Variants in NWD2 observed in about 807,000 individuals in gnomAD.
NWD2 encodes NACHT and WD repeat domain containing 2.
Under a neutral mutation model 132.7 loss-of-function variants are expected in NWD2, and 37 were observed. The ratio of observed to expected loss-of-function variants is 0.28; its 90% CI spans 0.21 to 0.37. NWD2 has a LOEUF of 0.37. Ranked by LOEUF, NWD2 falls within the 10% of genes least tolerant of loss-of-function variation. The pLI is 1.00. For synonymous variants in NWD2, 705 were observed against 803.0 expected (o/e 0.88, Z 2.06); for missense variants, 1,592 against 2,122.4 (o/e 0.75, Z 4.91).
At chr4:37,272,668 C>T (rs976232389) in intron 1 of NWD2, among the ~76,000 whole-genome samples, 6 of 151,774 alleles carry the variant, frequency 4.0e-5, no homozygotes, top group African/African-American at 4.8e-5. Flanking sequence ...TTGTCTTAAT[C>T]GGTTTTCAAA....
chr4:37,386,788 A>G (rs1720572863), intron 3 of NWD2, among the ~76,000 whole-genome samples: 2 of 149,428 alleles, frequency 1.3e-5, no homozygotes, highest in Admixed American at 6.6e-5. Context: ...CTCATGAATG[A>G]GTTGGTACCA....
chr4:37,288,442 T>C (rs1271838424), intron 1 of NWD2, among the ~76,000 whole-genome samples: 6 of 152,226 alleles, frequency 3.9e-5, no homozygotes, highest in Non-Finnish European at 4.4e-5. Flanking sequence ...CCAGTATCAC[T>C]TAACCCCAAG....
At chr4:37,356,200 C>T (rs553511389) in intron 2 of NWD2, among the ~76,000 whole-genome samples, 166 bp from the exon 3 acceptor site, 2 of 152,294 alleles carry the variant, frequency 1.3e-5, no homozygotes, top group African/African-American at 4.8e-5. Flanking sequence ...TCATTCCCAA[C>T]CCATCATGGA....
Position 37,445,160 on chromosome 4 carries a change from G to A in NWD2, c.3172G>A (p.Ala1058Thr), listed in dbSNP as rs116295654. 6.4e-4 allele frequency: 988 copies of A among 1,552,040 alleles called. 3 individuals carry two copies. The African/African-American group carries it at 0.012, about 19-fold the overall frequency. Residue 1058 changes from alanine (A) to threonine (T), a missense_variant, in exon 7 of 7, where the codon GCC (alanine) becomes ACC (threonine). Transcript: ENST00000309447. This position sits in a 1 kb window ranked among gnomAD's most constrained non-coding sequence, Gnocchi z 4.7. ...CAAGGGGACCAAGCATGGAAGCAGC[G>A]CCACCTACATCAATGGATTTACACT... ...EIKGTKHGSS[A>T]TYINGFTLSA... is the part of the protein sequence containing the mutation.
chr4:37,441,946 G>A (rs543234483), intron 6 of NWD2, among the ~76,000 whole-genome samples: 12 of 152,280 alleles, frequency 7.9e-5, no homozygotes, highest in African/African-American at 2.2e-4. Flanking sequence ...CTGGGAGGAC[G>A]GAGGAGGATG....
chr4:37,434,981 T>A (rs1712285048), intron 5 of NWD2, among the ~76,000 whole-genome samples: 1 of 152,064 alleles, frequency 6.6e-6, no homozygotes, highest in Non-Finnish European at 1.5e-5. Flanking sequence ...AAATTTAACA[T>A]TAAAATAAAA....
chr4:37,334,997 C>T (rs1370250164), intron 2 of NWD2, among the ~76,000 whole-genome samples: 1 of 152,078 alleles, frequency 6.6e-6, no homozygotes, highest in Non-Finnish European at 1.5e-5. Context: ...TCCTTCATCT[C>T]TGCCTTTTCC....
chr4:37,247,024 T>C (rs527503656), intron 1 of NWD2, among the ~76,000 whole-genome samples: 3 of 152,326 alleles, frequency 2.0e-5, no homozygotes, highest in Admixed American at 2.0e-4. Flanking sequence ...TAGCACAGAT[T>C]AACCCTAGGA....
chr4:37,261,642 A>C (rs1259577339), intron 1 of NWD2, among the ~76,000 whole-genome samples: 2 of 152,232 alleles, frequency 1.3e-5, no homozygotes, highest in Non-Finnish European at 2.9e-5. Context: ...TTACATTATC[A>C]AATAAACATA....
At chr4:37,274,363 C>T (rs908633915) in intron 1 of NWD2, among the ~76,000 whole-genome samples, 15 of 152,138 alleles carry the variant, frequency 9.9e-5, no homozygotes, top group African/African-American at 3.6e-4. Context: ...CACATACACC[C>T]TCCCAAGACC....
chr4:37,328,029 T>A (rs17603682), intron 2 of NWD2, among the ~76,000 whole-genome samples: 30,466 of 151,898 alleles, frequency 0.2, 3,139 homozygotes, highest in South Asian at 0.32. Context: ...TTCTTAAGAC[T>A]CTTCCTATCT....
chr4:37,432,427 T>C (rs1712206843), intron 4 of NWD2, among the ~76,000 whole-genome samples: 1 of 151,742 alleles, frequency 6.6e-6, no homozygotes, highest in Non-Finnish European at 1.5e-5. Context: ...CATATCATCA[T>C]CATAATCATG....
chr4:37,287,472 G>A (rs906209508), intron 1 of NWD2, among the ~76,000 whole-genome samples: 2 of 152,204 alleles, frequency 1.3e-5, no homozygotes, highest in Admixed American at 6.5e-5. Flanking sequence ...AGGGAGACTG[G>A]ATGGCTTGGT....
chr4:37,384,150 G>A (rs1371852963), intron 3 of NWD2, among the ~76,000 whole-genome samples: 1 of 152,032 alleles, frequency 6.6e-6, no homozygotes, highest in Non-Finnish European at 1.5e-5. Flanking sequence ...GACAGACTTA[G>A]GCACATCTTC....
intron 3 of NWD2, among the ~76,000 whole-genome samples, chr4:37,422,731 T>A (rs566128539): frequency 2.6e-4 from 40 of 152,328 alleles, no homozygotes; most frequent in African/African-American, 9.1e-4. Context: ...TGTGGCCAGA[T>A]AAATATACAA....
At chr4:37,416,417 C>A (rs902611227) in intron 3 of NWD2, among the ~76,000 whole-genome samples, 2 of 151,942 alleles carry the variant, frequency 1.3e-5, no homozygotes, top group Non-Finnish European at 2.9e-5. Flanking sequence ...TATTTGCTGG[C>A]TTTAAGAATG....
chr4:37,423,426 G>C (rs996176099), intron 3 of NWD2, among the ~76,000 whole-genome samples: 4 of 152,156 alleles, frequency 2.6e-5, no homozygotes, highest in African/African-American at 9.7e-5. Flanking sequence ...TATGGAGTCT[G>C]ACAAGCCCCA....
At chr4:37,363,008 C>T (rs967364044) in intron 3 of NWD2, among the ~76,000 whole-genome samples, 1 of 152,144 alleles carries the variant, frequency 6.6e-6, no homozygotes, top group South Asian at 2.1e-4. Context: ...TAAACAGACA[C>T]TTCTCAAAAG....
intron 3 of NWD2, among the ~76,000 whole-genome samples, chr4:37,410,571 G>A (rs999314988): frequency 2.0e-5 from 3 of 152,012 alleles, no homozygotes; most frequent in African/African-American, 7.2e-5. Flanking sequence ...ACAACCCACT[G>A]TCAGTATTAG....
Sources: gnomAD v4.1 joint callset for allele counts (sites outside exome capture counted in the v4.1 genomes callset) on GRCh38, gnomAD v4.1.1 for gene constraint, Gnocchi (gnomAD v3.1) non-coding constraint, MANE v1.5 for transcripts, NCBI Gene and HGNC (gene_info 2026-07-23, HGNC 2026-07-21) for gene names.